Variants in TAFA2 observed in about 807,000 individuals in gnomAD.
TAFA2 encodes chemokine-like protein TAFA-2.
Under a neutral mutation model 18.8 loss-of-function variants are expected in TAFA2, and 7 were observed. The ratio of observed to expected loss-of-function variants is 0.37; its 90% CI spans 0.21 to 0.70. The LOEUF is 0.70. TAFA2 is among the 30% of genes least tolerant of loss of function. The probability of loss-of-function intolerance (pLI) is 0.53; values close to 1 mark genes in which losing one functional copy is unlikely to be tolerated. For missense variants in TAFA2, 122 were observed against 158.1 expected, an observed-to-expected ratio of 0.77 and a Z score of 1.23; for synonymous variants, 60 against 54.2, an observed-to-expected ratio of 1.11 and a Z score of -0.47.
At chr12:62,213,047 A>T (rs2062720415) in intron 1 of TAFA2, among the ~76,000 whole-genome samples, 2 of 152,188 alleles carry the variant, frequency 1.3e-5, no homozygotes, top group Admixed American at 1.3e-4. Flanking sequence ...AGAGGCCGCA[A>T]ATTTTGGCCC....
At chr12:61,981,107 GAT>G (rs1365653933) in intron 1 of TAFA2, among the ~76,000 whole-genome samples, 1 of 152,026 alleles carries the variant, frequency 6.6e-6, no homozygotes, top group African/African-American at 2.4e-5. Flanking sequence ...TACCAAAATA[GAT>G]ATATAGATGA....
intron 1 of TAFA2, among the ~76,000 whole-genome samples, chr12:62,234,065 C>T (rs2062824488): frequency 6.6e-6 from 1 of 152,202 alleles, no homozygotes; most frequent in African/African-American, 2.4e-5. Flanking sequence ...CTTCATACAC[C>T]TCTGAATCCT....
intron 2 of TAFA2, among the ~76,000 whole-genome samples, chr12:61,855,197 G>C (rs2121174859): frequency 6.6e-6 from 1 of 152,262 alleles, no homozygotes; most frequent in East Asian, 1.9e-4. Flanking sequence ...TTTCCCCTGA[G>C]ATATTCTGCC....
intron 1 of TAFA2, among the ~76,000 whole-genome samples, chr12:62,078,467 G>A (rs1397494921): frequency 2.0e-5 from 3 of 148,720 alleles, no homozygotes; most frequent in Non-Finnish European, 4.4e-5. Flanking sequence ...AGACAAGTTG[G>A]ACTCAGCACT....
chr12:62,152,194 T>C (rs749757588), intron 1 of TAFA2, among the ~76,000 whole-genome samples: 1 of 152,192 alleles, frequency 6.6e-6, no homozygotes, highest in African/African-American at 2.4e-5. Context: ...CATTTTTTAA[T>C]TACATTCACA....
intron 1 of TAFA2, among the ~76,000 whole-genome samples, chr12:62,046,663 T>C (rs1881916895): frequency 6.6e-6 from 1 of 152,074 alleles, no homozygotes; most frequent in South Asian, 2.1e-4. Context: ...CTATAATAGT[T>C]ATTTGGCCTA....
intron 1 of TAFA2, among the ~76,000 whole-genome samples, chr12:61,872,441 G>A (rs940473983): frequency 1.3e-5 from 2 of 151,918 alleles, no homozygotes; most frequent in Non-Finnish European, 2.9e-5. Flanking sequence ...TAGAATGCGC[G>A]GTGGATTAGT....
At chr12:62,208,381 T>C (rs771197192) in intron 1 of TAFA2, among the ~76,000 whole-genome samples, 1 of 152,160 alleles carries the variant, frequency 6.6e-6, no homozygotes, top group South Asian at 2.1e-4. Flanking sequence ...CATGAATTAA[T>C]GGGCTGAACA....
chr12:62,060,515 A>G (rs1337847928), intron 1 of TAFA2, among the ~76,000 whole-genome samples: 1 of 152,202 alleles, frequency 6.6e-6, no homozygotes, highest in African/African-American at 2.4e-5. Flanking sequence ...AATAACAATA[A>G]ATGACAATGT....
intron 1 of TAFA2, among the ~76,000 whole-genome samples, chr12:61,884,462 G>T (rs2121280191): frequency 6.6e-6 from 1 of 152,224 alleles, no homozygotes; most frequent in East Asian, 1.9e-4. Context: ...TAAATAGAAA[G>T]AAACTCTTTG....
chr12:61,939,889 T>C (rs1267391477), intron 1 of TAFA2, among the ~76,000 whole-genome samples: 2 of 152,172 alleles, frequency 1.3e-5, no homozygotes, highest in Admixed American at 6.5e-5. Flanking sequence ...TGAGCCTTAG[T>C]TTTGCCTTCT....
chr12:62,089,232 CT>C (rs1205110626), intron 1 of TAFA2, among the ~76,000 whole-genome samples: 3 of 151,968 alleles, frequency 2.0e-5, no homozygotes, highest in African/African-American at 7.3e-5. Flanking sequence ...AACCGATATA[CT>C]TTTTTAAAGT....
chr12:62,023,149 T>C (rs1390165964), intron 1 of TAFA2, among the ~76,000 whole-genome samples: 1 of 152,086 alleles, frequency 6.6e-6, no homozygotes, highest in African/African-American at 2.4e-5. Context: ...GAGCCAAGGA[T>C]TGGTATTTCG....
At chr12:62,237,423 C>A (rs974483669) in intron 1 of TAFA2, among the ~76,000 whole-genome samples, 8 of 152,148 alleles carry the variant, frequency 5.3e-5, no homozygotes, top group Non-Finnish European at 1.2e-4. Flanking sequence ...ATTTATCTAG[C>A]AAATTTATAT....
At chr12:61,999,265 T>C (rs1477262933) in intron 1 of TAFA2, among the ~76,000 whole-genome samples, 2 of 152,184 alleles carry the variant, frequency 1.3e-5, no homozygotes, top group Non-Finnish European at 1.5e-5. Flanking sequence ...CTTCATGCAA[T>C]AGCCTCAGCA....
intron 2 of TAFA2, among the ~76,000 whole-genome samples, chr12:61,802,789 ATAATAAT>A (rs1871451398): frequency 6.6e-6 from 1 of 152,074 alleles, no homozygotes; most frequent in African/African-American, 2.4e-5. Flanking sequence ...GGCAATGAAT[ATAATAAT>A]TACTTTTATT....
intron 1 of TAFA2, among the ~76,000 whole-genome samples, chr12:61,885,497 T>A (rs536391510): frequency 6.6e-6 from 1 of 152,308 alleles, no homozygotes; most frequent in South Asian, 2.1e-4. Context: ...TGTACAAACA[T>A]CAAATGTAGA....
chr12:61,881,182 G>T (rs1190196706), intron 1 of TAFA2, among the ~76,000 whole-genome samples: 5 of 151,984 alleles, frequency 3.3e-5, no homozygotes, highest in African/African-American at 7.2e-5. Context: ...ATTACACATG[G>T]CTAGAAATAA....
At chr12:61,766,246 C>T (rs1177327702) in intron 2 of TAFA2, among the ~76,000 whole-genome samples, 2 of 152,054 alleles carry the variant, frequency 1.3e-5, no homozygotes, top group Admixed American at 1.3e-4. Flanking sequence ...ATTTTTTATA[C>T]AATAATTCAA....
Sources: allele counts gnomAD v4.1 joint callset (sites outside exome capture counted in the v4.1 genomes callset), GRCh38; gene constraint gnomAD v4.1.1; transcripts MANE v1.5; gene names NCBI Gene and HGNC (gene_info 2026-07-23, HGNC 2026-07-21).